Variants in SETD9 observed in about 807,000 individuals in gnomAD.
SETD9 encodes the protein SET domain containing 9.
In SETD9, 37 loss-of-function variants were observed where a neutral mutation model predicts 36.4. The ratio of observed to expected loss-of-function variants is 1.02; its 90% CI spans 0.78 to 1.34. The LOEUF (loss-of-function observed/expected upper bound fraction) is 1.34. Among genes scored for constraint, SETD9 ranks in the 40% most tolerant of loss-of-function variants. The probability of loss-of-function intolerance (pLI) is 0.00; values close to 1 mark genes in which losing one functional copy is unlikely to be tolerated. For missense variants in SETD9, 323 were observed against 353.2 expected (o/e 0.91, Z 0.69); for synonymous variants, 128 against 132.9 (o/e 0.96, Z 0.26).
downstream of SETD9, chr5:56,919,595 C>T (rs1409192702): frequency 6.6e-6 from 1 of 151,996 alleles, no homozygotes; most frequent in Non-Finnish European, 1.5e-5. Context: ...TCACACAAAC[C>T]AAGAAAAAAA....
intron 1 of SETD9, chr5:56,910,325 G>T: frequency 7.7e-7 from 1 of 1,304,322 alleles, no homozygotes; most frequent in Non-Finnish European, 1.0e-6. Context: ...ATAGCGTGCA[G>T]TAGCTCGCGC....
At chr5:56,910,701 A>C in intron 1 of SETD9, 1 of 218,166 alleles carries the variant, frequency 4.6e-6, no homozygotes, top group Non-Finnish European at 9.5e-6. Context: ...CACAAAGTAT[A>C]CGATGTTGAA....
At chr5:56,924,887 T>C (rs16886497) in intron 5 of SETD9, among the ~76,000 whole-genome samples, 11,951 of 152,304 alleles carry the variant, frequency 0.078, 509 homozygotes, top group East Asian at 0.14. Context: ...ATTACTAATA[T>C]GGGAATAAGC....
chr5:56,912,628 T>C (rs761502194), intron 2 of SETD9, among the ~76,000 whole-genome samples: 20 of 152,242 alleles, frequency 1.3e-4, no homozygotes, highest in Non-Finnish European at 2.5e-4. Flanking sequence ...GACTCATCTA[T>C]TCCCATATGT....
At chr5:56,909,993 T>C (rs1379969037) in intron 1 of SETD9, 5 of 1,308,606 alleles carry the variant, frequency 3.8e-6, no homozygotes, top group Non-Finnish European at 5.0e-6. Flanking sequence ...AAGCCTGAAG[T>C]GGGCGGTGGC....
intron 5 of SETD9, among the ~76,000 whole-genome samples, chr5:56,915,624 G>A (rs1749385546): frequency 6.6e-6 from 1 of 152,084 alleles, no homozygotes; most frequent in African/African-American, 2.4e-5. Context: ...CTATTAAATT[G>A]TCCTTCTAAG....
chr5:56,910,423 C>T (rs778508757), intron 1 of SETD9: 1 of 1,301,642 alleles, frequency 7.7e-7, no homozygotes, highest in South Asian at 1.2e-5. Flanking sequence ...ATTAAGGGCG[C>T]ACCAGTGATC....
rs1749111468 is a variant in SETD9 at position 56,911,349 on chromosome 5, A to G, written c.279A>G (p.Glu93=). Reference sequence around the variant, plus strand: ...AATATCAAGACCTACTGGCAGTTGAACATCAAGGGGTGAAACTGCTTGAAA... The same window carrying G: ...AATATCAAGACCTACTGGCAGTTGAGCATCAAGGGGTGAAACTGCTTGAAA... ...KSKYQDLLAV[E]HQGVKLLENR... Residue 93 remains glutamate (E), a synonymous_variant, in exon 2 of 6, where the codon GAA becomes GAG. Coordinates refer to ENST00000285947, the MANE Select transcript of SETD9 (RefSeq NM_153706.4). The G allele has an allele frequency of 6.2e-7, 1 of 1,611,592 alleles. No individual in the cohort carries two copies. Among genetic ancestry groups the G allele is most frequent in the Admixed American group, 1.7e-5 (1 of 59,388 alleles).
At chr5:56,912,986 A>G (rs901235205) in intron 2 of SETD9, 25 bp from the exon 3 acceptor site, 3 of 1,606,408 alleles carry the variant, frequency 1.9e-6, no homozygotes, top group Non-Finnish European at 2.6e-6. Context: ...TTGTTATCAT[A>G]TTTCTTTGTC....
chr5:56,909,945 G>C (rs995530370), intron 1 of SETD9: 1 of 1,132,246 alleles, frequency 8.8e-7, no homozygotes, highest in Admixed American at 3.1e-5. Context: ...GGCCAGAGGC[G>C]GGCGGGGCCG....
chr5:56,909,718 G>A lies in SETD9; in HGVS notation c.73G>A (p.Ala25Thr), dbSNP rs143022785. Residue 25 changes from alanine to threonine, a missense_variant, in exon 1 of 6, where the codon GCA becomes ACA. Ala to Thr is a moderately conservative substitution (Grantham distance 58). Coordinates refer to ENST00000285947, the MANE Select transcript of SETD9 (RefSeq NM_153706.4). ...RYKYRFVPWIALNLSHNPRTL... is the reference protein window; with the variant it reads ...RYKYRFVPWITLNLSHNPRTL... ...CAAGTACCGCTTCGTTCCCTGGATC[G>A]CACTGAACCTAAGCCACAACCCGAG... is the stretch of plus-strand genomic sequence containing the variant. 17 of 1,611,084 alleles carry A rather than the reference G, an allele frequency of 1.1e-5. No homozygotes were observed. The African/African-American group carries it at 2.3e-4, about 22-fold the overall frequency.
chr5:56,917,129 T>C lies in SETD9; in HGVS notation c.*227T>C, dbSNP rs966667820. 1.6e-5 allele frequency: 20 copies of C among 1,225,246 alleles called. No individual in the cohort carries two copies. In the African/African-American group the frequency reaches 2.9e-4, roughly 18 times the overall value. The allele number at this position is 1,225,246 out of a possible 1,614,324, so 75.9% of individuals were successfully genotyped here. A position where few individuals can be genotyped will look rare whatever the true frequency, so the allele number is the denominator to read the frequency against. On this transcript the variant is annotated 3_prime_UTR_variant, in exon 6 of 6. Coordinates refer to ENST00000285947, the MANE Select transcript of SETD9 (RefSeq NM_153706.4). ...GTAATGCAATTCCAAGTTTAATTGG[T>C]TTTCACCTAAATACACAATAGCTTA...
chr5:56,909,351 C>T, upstream of SETD9: 1 of 304,244 alleles, frequency 3.3e-6, no homozygotes, highest in Non-Finnish European at 6.1e-6. Flanking sequence ...CCTTCGCCCG[C>T]AACCAGGGCT....
intron 5 of SETD9, chr5:56,924,083 A>C: frequency 6.3e-7 from 1 of 1,584,254 alleles, no homozygotes. Context: ...AACAAACTCA[A>C]CCATTTTTTT....
chr5:56,924,070 A>C, intron 5 of SETD9: 1 of 1,591,276 alleles, frequency 6.3e-7, no homozygotes, highest in South Asian at 1.2e-5. Context: ...TTTTTAAAAA[A>C]CCAACAAACT....
chr5:56,919,506 T>C (rs1016606928), downstream of SETD9: 2 of 152,202 alleles, frequency 1.3e-5, no homozygotes, highest in African/African-American at 2.4e-5. Context: ...CTAAAACCAA[T>C]TTAACAGTGG....
rs781152411 is a variant in SETD9, at chr5:56,923,640, G to C, written c.813-1693G>C. On this transcript the variant is annotated intron_variant, in intron 5 of 5. Coordinates refer to the SETD9 transcript ENST00000628593. ...AGTGGTCCTATGACATCAAACAGAGGACACAATTTTGCAACAAACTGTACT... is the reference window on the plus strand; with the variant it reads ...AGTGGTCCTATGACATCAAACAGAGCACACAATTTTGCAACAAACTGTACT... 1.3e-4 allele frequency: 214 copies of C among 1,613,174 alleles called. 2 individuals are homozygous for C. The highest frequency in any genetic ancestry group is 2.5e-6 in the Non-Finnish European group (3 of 1,179,398).
chr5:56,909,590 C>T, upstream of SETD9: 1 of 1,445,986 alleles, frequency 6.9e-7, no homozygotes, highest in East Asian at 2.7e-5. Flanking sequence ...GGGGCGGGCC[C>T]GAGGCCTCGA....
chr5:56,914,633 TTA>T (rs1332235899), intron 4 of SETD9, among the ~76,000 whole-genome samples: 3 of 152,160 alleles, frequency 2.0e-5, no homozygotes, highest in African/African-American at 4.8e-5. Flanking sequence ...AAAACATGTT[TTA>T]TATATGTCTT....
Sources: allele counts gnomAD v4.1 joint callset (sites outside exome capture counted in the v4.1 genomes callset), GRCh38; gene constraint gnomAD v4.1.1; transcripts MANE v1.5; gene names NCBI Gene and HGNC (gene_info 2026-07-23, HGNC 2026-07-21).